TUB: variants seen among roughly 807,000 people sequenced by gnomAD.
The protein encoded by TUB is TUB bipartite transcription factor, also known as tubby protein homolog.
TUB carries 33 observed loss-of-function variants against 59.7 expected under a neutral mutation model. The ratio of observed to expected loss-of-function variants is 0.55; its 90% CI spans 0.42 to 0.74. TUB has a LOEUF of 0.74. TUB is among the 30% of genes least tolerant of loss of function. The pLI is 0.00. For synonymous variants in TUB, 293 were observed against 256.4 expected, an observed-to-expected ratio of 1.14 and a Z score of -1.36; for missense variants, 659 against 672.0, an observed-to-expected ratio of 0.98 and a Z score of 0.21.
At chr11:8,093,644 T>C (rs1943857505) in intron 3 of TUB, among the ~76,000 whole-genome samples, 1 of 152,160 alleles carries the variant, frequency 6.6e-6, no homozygotes, top group Non-Finnish European at 1.5e-5. Context: ...TTGCCCTGGT[T>C]GTGGTCTCTT....
chr11:8,088,324 A>T (rs1230971214), intron 1 of TUB, among the ~76,000 whole-genome samples: 1 of 152,180 alleles, frequency 6.6e-6, no homozygotes, highest in African/African-American at 2.4e-5. Context: ...TTGAAGGCTC[A>T]TGTAGGTGGT....
intron 1 of TUB, among the ~76,000 whole-genome samples, chr11:8,082,877 G>A (rs1045889569): frequency 6.6e-6 from 1 of 152,148 alleles, no homozygotes; most frequent in East Asian, 1.9e-4. Flanking sequence ...GTTATTTTGT[G>A]TCTCTCCCCA....
chr11:8,072,718 G>A (rs1943380814), intron 2 of TUB, among the ~76,000 whole-genome samples: 1 of 152,210 alleles, frequency 6.6e-6, no homozygotes, highest in African/African-American at 2.4e-5. Flanking sequence ...CAACAGATGA[G>A]GAAACTGAGG....
intron 4 of TUB, 106 bp from the exon 5 acceptor site, chr11:8,095,392 G>A: frequency 8.1e-7 from 1 of 1,232,012 alleles, no homozygotes; most frequent in South Asian, 1.6e-5. Context: ...ATAAAGTTTT[G>A]CAGAGGGTTT....
At chr11:8,078,920 T>A (rs1225905221), upstream of TUB, among the ~76,000 whole-genome samples, 1 of 151,790 alleles carries the variant, frequency 6.6e-6, no homozygotes, top group Non-Finnish European at 1.5e-5. Context: ...CTCCCCCACA[T>A]GTACACACAC....
At chr11:8,042,625 T>C (rs958253944) in intron 2 of TUB, among the ~76,000 whole-genome samples, 2 of 152,338 alleles carry the variant, frequency 1.3e-5, no homozygotes, top group South Asian at 4.1e-4. Flanking sequence ...TTATCTGCAA[T>C]TTTAAGTATA....
upstream of TUB, among the ~76,000 whole-genome samples, chr11:8,080,701 A>G (rs1216505708): frequency 8.5e-5 from 13 of 152,226 alleles, no homozygotes; most frequent in Non-Finnish European, 1.9e-4. Context: ...GCTATAGCTT[A>G]GATGGGAGGG....
At chr11:8,022,208 C>G (rs893249786) in intron 1 of TUB, among the ~76,000 whole-genome samples, 13 of 152,200 alleles carry the variant, frequency 8.5e-5, no homozygotes, top group African/African-American at 3.1e-4. Context: ...ATGTTCTCAT[C>G]AGTACTTGTT....
At position 8,090,073 on chromosome 11, in the gene TUB, C is replaced by A. The variant is rs1943742173; in HGVS notation, c.95C>A (p.Ala32Asp). The change falls in exon 3 of 12, where the codon GCC (alanine) becomes GAC (aspartate). Residue 32 changes from alanine (A) to aspartate (D), a missense_variant. This residue lies in a region of TUB where 321 missense variants were observed against 304.3 expected (regional missense o/e 1.05). Transcript: ENST00000299506. ...LRQQKLDRQR[A>D]LLEQKQKKKR... Reference sequence around the variant, plus strand: ...CCAACCTCTGTGCCTCCATAGCGGGCCCTGCTGGAGCAGAAGCAGAAGAAG... The same window carrying A: ...CCAACCTCTGTGCCTCCATAGCGGGACCTGCTGGAGCAGAAGCAGAAGAAG... 6.2e-7 allele frequency: 1 copy of A among 1,603,982 alleles called. No homozygotes were observed. The highest frequency in any genetic ancestry group is 8.5e-7 in the Non-Finnish European group (1 of 1,175,388).
chr11:8,064,783 A>G (rs1310448517), intron 2 of TUB, among the ~76,000 whole-genome samples: 1 of 152,240 alleles, frequency 6.6e-6, no homozygotes, highest in South Asian at 2.1e-4. Flanking sequence ...CAGAGCAAAG[A>G]GGCCAGATGA....
At position 8,089,556 on chromosome 11, in the gene TUB, G is replaced by A; in HGVS notation, c.39-54G>A. On this transcript the variant is annotated intron_variant, in intron 1 of 11. Transcript: ENST00000299506. ...ATATGCTGGGGGTGGGCTCTGGGCT[G>A]TATATCCTGGCACCTCACGGGCAAG... 6.2e-6 allele frequency: 10 copies of A among 1,611,676 alleles called. No homozygotes were observed. In the Middle Eastern group the frequency reaches 5.0e-4, roughly 80 times the overall value.
At chr11:8,100,172 T>A (rs929090083) in intron 9 of TUB, among the ~76,000 whole-genome samples, 1 of 152,106 alleles carries the variant, frequency 6.6e-6, no homozygotes, top group African/African-American at 2.4e-5. Flanking sequence ...AGTCTGGGTA[T>A]AATTGGAAGG....
Position 8,101,962 on chromosome 11 carries a change from G to A in TUB, c.*343G>A, listed in dbSNP as rs76201467. ...CTGGGAAGGCCGCAAGAGGCATAGAGGGAGAGGAAGCACACTGCAGGGCTG... is the reference window on the plus strand; with the variant it reads ...CTGGGAAGGCCGCAAGAGGCATAGAAGGAGAGGAAGCACACTGCAGGGCTG... On this transcript the variant is annotated 3_prime_UTR_variant, in exon 12 of 12. Coordinates refer to ENST00000299506, the MANE Select transcript of TUB (RefSeq NM_177972.3). 9.6e-3 allele frequency: 2,929 copies of A among 304,654 alleles called. 58 individuals carry two copies. Among genetic ancestry groups the A allele is most frequent in the African/African-American group, 0.053 (2,517 of 47,534 alleles). The allele number at this position is 304,654 out of a possible 1,614,324, so 18.9% of individuals were successfully genotyped here.
At chr11:8,038,710 G>A in exon 1 of TUB, 1 of 1,478,630 alleles carries the variant, frequency 6.8e-7, no homozygotes, top group Non-Finnish European at 8.9e-7. Flanking sequence ...TAATTAATGG[G>A]TGATGGTGGT....
At chr11:8,035,437 T>C (rs926806236), upstream of TUB, 1 of 152,342 alleles carries the variant, frequency 6.6e-6, no homozygotes, top group Non-Finnish European at 1.5e-5. Flanking sequence ...CTGCTCTCAC[T>C]TCCCGCTGGG....
At chr11:8,037,276 G>A (rs1208992096), upstream of TUB, among the ~76,000 whole-genome samples, 1 of 152,184 alleles carries the variant, frequency 6.6e-6, no homozygotes, top group Non-Finnish European at 1.5e-5. Flanking sequence ...TGGGAGCCTT[G>A]GCTTTGACCT....
intron 2 of TUB, among the ~76,000 whole-genome samples, chr11:8,043,207 G>A (rs1942780240): frequency 6.6e-6 from 1 of 152,080 alleles, no homozygotes; most frequent in African/African-American, 2.4e-5. Context: ...TCCATTGAAT[G>A]GTCTCGCTAT....
intron 11 of TUB, 32 bp downstream of exon 11, chr11:8,101,029 CGTA>C: frequency 1.2e-6 from 2 of 1,612,630 alleles, no homozygotes; most frequent in South Asian, 2.2e-5. Flanking sequence ...CATTATGGTC[CGTA>C]GGATACCCAA....
At chr11:8,100,628 T>C in intron 10 of TUB, 27 bp downstream of exon 10, 1 of 1,602,510 alleles carries the variant, frequency 6.2e-7, no homozygotes, top group Non-Finnish European at 8.5e-7. Flanking sequence ...TCCTCCCCTC[T>C]TTCCCCATCA....
Sources: gnomAD v4.1 joint callset for allele counts (sites outside exome capture counted in the v4.1 genomes callset) on GRCh38, gnomAD v4.1.1 for gene constraint, gnomAD v4.1.1 regional missense constraint, MANE v1.5 for transcripts, NCBI Gene and HGNC (gene_info 2026-07-23, HGNC 2026-07-21) for gene names.